SLC35F1: variants seen among roughly 807,000 people sequenced by gnomAD.
SLC35F1 encodes chromosome 6 open reading frame 169.
A neutral mutation model predicts 48.7 loss-of-function variants in SLC35F1; 14 were observed. The observed-to-expected ratio is 0.29, with a 90% CI of 0.19 to 0.45. SLC35F1 has a LOEUF of 0.45. Ranked by LOEUF, SLC35F1 falls within the 20% of genes least tolerant of loss-of-function variation. SLC35F1 has a pLI of 1.00. For synonymous variants in SLC35F1, 190 were observed against 202.2 expected (o/e 0.94, Z 0.51); for missense variants, 404 against 500.0 (o/e 0.81, Z 1.83).
Position 117,981,204 on chromosome 6 carries a change from A to T in SLC35F1, c.173+73305A>T, listed in dbSNP as rs1452064825. On this transcript the variant is annotated intron_variant, in intron 1 of 7. Coordinates refer to ENST00000360388, the MANE Select transcript of SLC35F1 (RefSeq NM_001029858.4). ...ATGTTGGCTCAGAGGTGGAAGATGCAGTTGGAGATGCTGGAAATCCTGATC... is the reference window on the plus strand; with the variant it reads ...ATGTTGGCTCAGAGGTGGAAGATGCTGTTGGAGATGCTGGAAATCCTGATC... Among the ~76,000 whole-genome samples the T allele has an allele frequency of 2.6e-5, 4 of 152,250 alleles. No homozygotes were observed. The East Asian group carries it at 7.7e-4, about 29-fold the overall frequency.
At chr6:118,067,585 A>G (rs1772634511) in intron 1 of SLC35F1, among the ~76,000 whole-genome samples, 1 of 152,208 alleles carries the variant, frequency 6.6e-6, no homozygotes, top group Non-Finnish European at 1.5e-5. Flanking sequence ...AGAGAATTTC[A>G]AGAGGGGTAA....
At chr6:118,107,743 C>CTG (rs149450907) in intron 1 of SLC35F1, among the ~76,000 whole-genome samples, 32 of 150,614 alleles carry the variant, frequency 2.1e-4, no homozygotes, top group African/African-American at 4.1e-4. Flanking sequence ...GTGTGTGTGT[C>CTG]TGTGTGTGTG....
At chr6:118,082,946 G>A (rs942995246) in intron 1 of SLC35F1, among the ~76,000 whole-genome samples, 8 of 151,984 alleles carry the variant, frequency 5.3e-5, no homozygotes, top group Admixed American at 1.3e-4. Flanking sequence ...ACTCACCCCC[G>A]CCCCCAGCAT....
At chr6:118,157,662 T>C (rs1269292308) in intron 2 of SLC35F1, among the ~76,000 whole-genome samples, 2 of 152,070 alleles carry the variant, frequency 1.3e-5, no homozygotes, top group Non-Finnish European at 2.9e-5. Context: ...TGAAGTCCGA[T>C]GTTTGAGGGC....
At chr6:118,188,739 G>A (rs551340134) in intron 2 of SLC35F1, among the ~76,000 whole-genome samples, 1 of 151,948 alleles carries the variant, frequency 6.6e-6, no homozygotes, top group Non-Finnish European at 1.5e-5. Context: ...AGACACTTAC[G>A]TTGTTTCCAT....
chr6:118,201,637 C>T (rs925976921), intron 2 of SLC35F1, among the ~76,000 whole-genome samples: 1 of 152,112 alleles, frequency 6.6e-6, no homozygotes, highest in Non-Finnish European at 1.5e-5. Context: ...AATTAACATA[C>T]CATTGACTCA....
At chr6:118,035,272 A>G (rs1363629867) in intron 1 of SLC35F1, among the ~76,000 whole-genome samples, 3 of 151,994 alleles carry the variant, frequency 2.0e-5, no homozygotes, top group Non-Finnish European at 4.4e-5. Flanking sequence ...TCCTTAATCA[A>G]TGTACTCGGG....
intron 1 of SLC35F1, among the ~76,000 whole-genome samples, chr6:118,058,676 T>TA (rs1772495215): frequency 6.6e-6 from 1 of 152,214 alleles, no homozygotes; most frequent in Non-Finnish European, 1.5e-5. Context: ...TTCTTTCTAA[T>TA]AAATCTTTGC....
intron 4 of SLC35F1, among the ~76,000 whole-genome samples, chr6:118,267,929 G>A (rs1332273214): frequency 1.2e-4 from 18 of 151,698 alleles, no homozygotes; most frequent in African/African-American, 4.1e-4. Context: ...TTTTGGAACA[G>A]AAAAAAAATG....
chr6:117,965,894 A>G (rs1289817040), intron 1 of SLC35F1, among the ~76,000 whole-genome samples: 1 of 152,032 alleles, frequency 6.6e-6, no homozygotes, highest in African/African-American at 2.4e-5. Context: ...CTGATCGGGT[A>G]GGGGACCTGG....
chr6:118,168,186 C>T (rs1774347504), intron 2 of SLC35F1, among the ~76,000 whole-genome samples: 1 of 152,120 alleles, frequency 6.6e-6, no homozygotes, highest in Non-Finnish European at 1.5e-5. Flanking sequence ...ACTGCACAGA[C>T]ATCATCCACT....
chr6:117,999,186 C>A (rs111244121), intron 1 of SLC35F1: 20 of 1,595,050 alleles, frequency 1.3e-5, no homozygotes, highest in African/African-American at 9.3e-5. Flanking sequence ...CGTGCCGAGG[C>A]TATCAAGGCC....
chr6:118,005,120 TAGAAGAAAGCA>T (rs1351323175), intron 1 of SLC35F1, among the ~76,000 whole-genome samples: 4 of 152,114 alleles, frequency 2.6e-5, no homozygotes, highest in Admixed American at 2.6e-4. Flanking sequence ...GATGTATAGC[TAGAAGAAAGCA>T]AGAAGAGGAG....
intron 3 of SLC35F1, among the ~76,000 whole-genome samples, chr6:118,265,139 G>C (rs1032066951): frequency 6.6e-6 from 1 of 152,164 alleles, no homozygotes; most frequent in Non-Finnish European, 1.5e-5. Context: ...AGAAACATGA[G>C]CATCTGTCCA....
At position 118,154,431 on chromosome 6, in the gene SLC35F1, C is replaced by G. The variant is rs762263623; in HGVS notation, c.174-14C>G. ...TGCTGACCTTTGCTGTGTTTTTTTT[C>G]CTTTATTTCTCAGGGAGATGTTAAT... On this transcript the variant is annotated splice_polypyrimidine_tract_variant and intron_variant, in intron 1 of 7. Coordinates refer to ENST00000360388, the MANE Select transcript of SLC35F1 (RefSeq NM_001029858.4). 2 of 1,578,622 alleles carry G rather than the reference C, an allele frequency of 1.3e-6. No homozygotes were observed. The highest frequency in any genetic ancestry group is 2.3e-5 in the East Asian group (1 of 44,170).
chr6:118,299,644 C>A (rs1404042418), intron 7 of SLC35F1, among the ~76,000 whole-genome samples: 1 of 152,050 alleles, frequency 6.6e-6, no homozygotes, highest in Non-Finnish European at 1.5e-5. Context: ...AGATGTGCAG[C>A]GATTGTAATG....
At chr6:117,922,082 A>G (rs1283727578) in intron 1 of SLC35F1, among the ~76,000 whole-genome samples, 1 of 152,220 alleles carries the variant, frequency 6.6e-6, no homozygotes, top group Non-Finnish European at 1.5e-5. Flanking sequence ...GCAAGCATGT[A>G]AAGGCCGGAG....
intron 3 of SLC35F1, among the ~76,000 whole-genome samples, chr6:118,246,453 G>A (rs1223075794): frequency 6.6e-6 from 1 of 152,176 alleles, no homozygotes; most frequent in Non-Finnish European, 1.5e-5. Flanking sequence ...TAGTAAAATG[G>A]AGCTACACAC....
At chr6:117,979,329 T>C (rs1045754273) in intron 1 of SLC35F1, among the ~76,000 whole-genome samples, 6 of 152,190 alleles carry the variant, frequency 3.9e-5, no homozygotes, top group African/African-American at 7.2e-5. Context: ...CGTTACCCCA[T>C]TGGAAGATTT....
Sources: gnomAD v4.1 joint callset for allele counts (sites outside exome capture counted in the v4.1 genomes callset) on GRCh38, gnomAD v4.1.1 for gene constraint, MANE v1.5 for transcripts, NCBI Gene and HGNC (gene_info 2026-07-23, HGNC 2026-07-21) for gene names.